The following OSBPL2 variants were observed in gnomAD, a reference collection of about 807,000 sequenced individuals.
OSBPL2 encodes the protein oxysterol binding protein like 2.
In OSBPL2, 18 loss-of-function variants were observed where a neutral mutation model predicts 58.4. The ratio of observed to expected loss-of-function variants is 0.31; its 90% confidence interval spans 0.21 to 0.46. OSBPL2 has a LOEUF of 0.46. Ranked by LOEUF, OSBPL2 falls within the 20% of genes least tolerant of loss-of-function variation. The pLI is 1.00. For synonymous variants in OSBPL2, 221 were observed against 234.1 expected (o/e 0.94, Z 0.51); for missense variants, 461 against 616.5 (o/e 0.75, Z 2.67).
intron 11 of OSBPL2, among the ~76,000 whole-genome samples, chr20:62,286,994 G>A (rs6061481): frequency 7.9e-5 from 12 of 152,356 alleles, no homozygotes; most frequent in Admixed American, 5.2e-4. Flanking sequence ...GCTCAGCTGC[G>A]TGTCAGAGCT....
chr20:62,288,926 G>A lies in OSBPL2; in HGVS notation c.1126-281G>A, dbSNP rs1371824854. Among the ~76,000 whole-genome samples, 1 of 152,148 alleles carries A rather than the reference G, an allele frequency of 6.6e-6. No homozygotes were observed. Among genetic ancestry groups the A allele is most frequent in the Non-Finnish European group, 1.5e-5 (1 of 68,022 alleles). On this transcript the variant is annotated intron_variant, in intron 11 of 13. Coordinates refer to ENST00000313733, the MANE Select transcript of OSBPL2 (RefSeq NM_144498.4). The surrounding 1 kb of genome is among the most constrained non-coding windows in gnomAD (Gnocchi z 4.8). Reference sequence around the variant, plus strand: ...GCTGGAGTGTTTCCAGCAAGCTGGTGACAAATCTGTTGATGAGATTGTAAA... The same window carrying A: ...GCTGGAGTGTTTCCAGCAAGCTGGTAACAAATCTGTTGATGAGATTGTAAA...
rs1362437371 is a variant in OSBPL2, at chr20:62,284,029, A to T, written c.873-17A>T. 2 of 1,606,390 alleles carry T rather than the reference A, an allele frequency of 1.2e-6. No homozygotes were observed. Among genetic ancestry groups the T allele is most frequent in the South Asian group, 2.2e-5 (2 of 90,806 alleles). ...TAATGACTAAGACTTGTCTTTAAAA[A>T]TCCCATTTAATTACAGCAAAAAGAA... On this transcript the variant is annotated splice_polypyrimidine_tract_variant and intron_variant, in intron 9 of 13. Transcript: ENST00000313733.
At chr20:62,241,685 A>G (rs1197882904) in intron 1 of OSBPL2, among the ~76,000 whole-genome samples, 1 of 152,232 alleles carries the variant, frequency 6.6e-6, no homozygotes, top group Non-Finnish European at 1.5e-5. Context: ...TTTGCCTGTA[A>G]GACGGATTAC....
chr20:62,266,527 C>G (rs1330583214), intron 4 of OSBPL2, among the ~76,000 whole-genome samples: 1 of 152,178 alleles, frequency 6.6e-6, no homozygotes, highest in Admixed American at 6.5e-5. Context: ...GTGGCTCGTT[C>G]TGGATCTGCA....
intron 1 of OSBPL2, among the ~76,000 whole-genome samples, chr20:62,246,140 G>T (rs1412985241): frequency 6.6e-6 from 1 of 152,240 alleles, no homozygotes; most frequent in African/African-American, 2.4e-5. Flanking sequence ...CGCTGCTGCC[G>T]CCGCCTCCAT....
rs368702233 is a variant in OSBPL2 at position 62,263,612 on chromosome 20, G to A, written c.183-4G>A. 14 of 1,613,796 alleles carry A rather than the reference G, an allele frequency of 8.7e-6. No individual in the cohort carries two copies. In the African/African-American group the frequency reaches 1.3e-4, roughly 15 times the overall value. On this transcript the variant is annotated splice_polypyrimidine_tract_variant and splice_region_variant and intron_variant, in intron 3 of 13. Transcript: ENST00000313733. ...CCCACACGCACCCCTTTTGTGCTTC[G>A]CAGGACATCGCTGCCGGCTCCCATG...
At chr20:62,247,460 G>T (rs1357095555) in intron 1 of OSBPL2, among the ~76,000 whole-genome samples, 3 of 152,310 alleles carry the variant, frequency 2.0e-5, no homozygotes, top group African/African-American at 7.2e-5. Flanking sequence ...GGGACCGCGG[G>T]GACTGAGGGA....
chr20:62,240,578 A>G (rs1979663731), intron 1 of OSBPL2, among the ~76,000 whole-genome samples: 2 of 152,204 alleles, frequency 1.3e-5, no homozygotes, highest in African/African-American at 4.8e-5. Context: ...AAATTATGAA[A>G]TATGGATTTG....
intron 12 of OSBPL2, 35 bp from the exon 13 acceptor site, chr20:62,291,668 C>A: frequency 6.3e-7 from 1 of 1,592,922 alleles, no homozygotes; most frequent in Non-Finnish European, 8.6e-7. Flanking sequence ...GTTCTAAGGT[C>A]TCTGTCTGAC....
chr20:62,275,210 T>A (rs1275809136), intron 6 of OSBPL2, among the ~76,000 whole-genome samples: 2 of 152,178 alleles, frequency 1.3e-5, no homozygotes, highest in Non-Finnish European at 2.9e-5. Context: ...TTAAAAAAAA[T>A]GAGAGGAACT....
Position 62,269,789 on chromosome 20 carries a change from G to A in OSBPL2, c.259-2336G>A, listed in dbSNP as rs1981933394. Among the ~76,000 whole-genome samples the A allele has an allele frequency of 6.6e-6, 1 of 152,236 alleles. No homozygotes were observed. The highest frequency in any genetic ancestry group is 6.5e-5 in the Admixed American group (1 of 15,294). ...TTGCAGTGCCGAGCTCTGATCACAA[G>A]GGTCACCTCTCTTCCTGCTTTCCTC... On this transcript the variant is annotated intron_variant, in intron 4 of 13. Transcript: ENST00000313733. This position sits in a 1 kb window ranked among gnomAD's most constrained non-coding sequence, Gnocchi z 4.2.
rs1388254750 is a variant in OSBPL2, at chr20:62,288,469, C to A, written c.1126-738C>A. 7.6e-6 allele frequency among the ~76,000 whole-genome samples: 1 copy of A among 131,474 alleles called. No individual in the cohort carries two copies. Among genetic ancestry groups the A allele is most frequent in the African/African-American group, 2.9e-5 (1 of 34,472 alleles). 86.3% of individuals were successfully genotyped at this position (131,474 alleles called of 152,430 possible). A position where few individuals can be genotyped will look rare whatever the true frequency, so the allele number is the denominator to read the frequency against. ...GCTGGGAGGCTGTGGGTACAGAGGC[C>A]GGAGGCTGTGGGTGCAGAGGCTGGG... On this transcript the variant is annotated intron_variant, in intron 11 of 13. Transcript: ENST00000313733. This position sits in a 1 kb window ranked among gnomAD's most constrained non-coding sequence, Gnocchi z 4.8.
At position 62,281,295 on chromosome 20, in the gene OSBPL2, G is replaced by C. The variant is rs529912965; in HGVS notation, c.782+130G>C. Reference sequence around the variant, plus strand: ...ACGAGCTGCTGCCGTGTCCCCGCCAGCCCAGGCATAGCAGCTGCCTAGACT... The same window carrying C: ...ACGAGCTGCTGCCGTGTCCCCGCCACCCCAGGCATAGCAGCTGCCTAGACT... On this transcript the variant is annotated intron_variant, in intron 8 of 13. Coordinates refer to ENST00000313733, the MANE Select transcript of OSBPL2 (RefSeq NM_144498.4). 1.1e-5 allele frequency: 7 copies of C among 651,864 alleles called. No individual in the cohort carries two copies. The South Asian group carries it at 1.2e-4, about 12-fold the overall frequency. The allele number at this position is 651,864 out of a possible 1,614,324, so 40.4% of individuals were successfully genotyped here. A position where few individuals can be genotyped will look rare whatever the true frequency, so the allele number is the denominator to read the frequency against.
chr20:62,251,145 G>A (rs185796924), intron 1 of OSBPL2, among the ~76,000 whole-genome samples: 1 of 145,068 alleles, frequency 6.9e-6, no homozygotes, highest in Non-Finnish European at 1.5e-5. Context: ...CTGGGTTCAC[G>A]CCATTCTCCT....
intron 1 of OSBPL2, among the ~76,000 whole-genome samples, chr20:62,254,040 C>T (rs978980876): frequency 1.4e-4 from 22 of 152,070 alleles, no homozygotes; most frequent in South Asian, 2.1e-4. Context: ...TCAGGTGATC[C>T]GCCCACCTCA....
chr20:62,292,291 C>T (rs1377503091), intron 13 of OSBPL2, among the ~76,000 whole-genome samples: 1 of 152,174 alleles, frequency 6.6e-6, no homozygotes, highest in Non-Finnish European at 1.5e-5. Context: ...AGGGAGGTGG[C>T]ACCGTGTGGA....
At chr20:62,262,303 G>T (rs774267014) in intron 3 of OSBPL2, among the ~76,000 whole-genome samples, 1 of 152,214 alleles carries the variant, frequency 6.6e-6, no homozygotes, top group Non-Finnish European at 1.5e-5. Flanking sequence ...GTTGCCTCCC[G>T]TCCCAGCTGC....
In OSBPL2 at chr20:62,294,734, C is replaced by T. The variant is rs1262448157; in HGVS notation, c.*847C>T. The T allele has an allele frequency of 2.0e-5, 3 of 152,238 alleles. No individual in the cohort carries two copies. The highest frequency in any genetic ancestry group is 2.1e-4 in the South Asian group (1 of 4,826). 9.4% of individuals were successfully genotyped at this position (152,238 alleles called of 1,614,324 possible). On this transcript the variant is annotated 3_prime_UTR_variant, in exon 14 of 14. Coordinates refer to ENST00000313733, the MANE Select transcript of OSBPL2 (RefSeq NM_144498.4). ...TCTCCAGGGGGTTCCTTTCTTCTCA[C>T]ACGTCGCGTGTACCCATAGCACTCT...
chr20:62,272,503 C>T (rs950870281), intron 5 of OSBPL2, among the ~76,000 whole-genome samples: 1 of 152,190 alleles, frequency 6.6e-6, no homozygotes, highest in African/African-American at 2.4e-5. Context: ...CGCCTCCTGC[C>T]GGGAGACTCC....
Sources: allele counts gnomAD v4.1 joint callset (sites outside exome capture counted in the v4.1 genomes callset), GRCh38; gene constraint gnomAD v4.1.1; non-coding constraint Gnocchi (gnomAD v3.1); transcripts MANE v1.5; gene names NCBI Gene and HGNC (gene_info 2026-07-23, HGNC 2026-07-21).